The following PXDN variants were observed in gnomAD, a reference collection of about 807,000 sequenced individuals.
PXDN encodes the protein peroxidasin, also known as peroxidasin homolog.
In PXDN, 77 loss-of-function variants were observed where a neutral mutation model predicts 140.3. The observed-to-expected ratio is 0.55, with a 90% CI of 0.46 to 0.66. The LOEUF (loss-of-function observed/expected upper bound fraction) is 0.66, where lower values mean the gene tolerates loss of function less well. PXDN is among the 30% of genes least tolerant of loss of function. The probability of loss-of-function intolerance (pLI) is 0.00; values close to 1 mark genes in which losing one functional copy is unlikely to be tolerated. For synonymous variants in PXDN, 911 were observed against 857.4 expected, an observed-to-expected ratio of 1.06 and a Z score of -1.09; for missense variants, 1,838 against 2,039.5, an observed-to-expected ratio of 0.90 and a Z score of 1.90.
Position 1,662,076 on chromosome 2 carries a change from T to C in PXDN, c.1676A>G (p.Asn559Ser). ...QGEPEPAITW[N>S]KDGVQVTESG... is the part of the protein sequence containing the mutation. ...CTCGGGCACCAGACCGCCTACCTTGTTCCAGGTGATGGCTGGCTCGGGCTC... is the reference window on the plus strand; with the variant it reads ...CTCGGGCACCAGACCGCCTACCTTGCTCCAGGTGATGGCTGGCTCGGGCTC... The change falls in exon 13 of 23, where the codon AAC becomes AGC. Residue 559 changes from asparagine (N) to serine (S), a missense_variant. This residue lies in a region of PXDN where 537 missense variants were observed against 583.9 expected (regional missense o/e 0.92). Coordinates refer to ENST00000252804, the MANE Select transcript of PXDN (RefSeq NM_012293.3). The C allele has an allele frequency of 6.3e-7, 1 of 1,589,958 alleles. No homozygotes were observed. The highest frequency in any genetic ancestry group is 8.6e-7 in the Non-Finnish European group (1 of 1,168,280).
At chr2:1,679,846 T>TAGATG (rs1683838354) in intron 7 of PXDN, among the ~76,000 whole-genome samples, 1 of 148,180 alleles carries the variant, frequency 6.7e-6, no homozygotes, top group African/African-American at 2.5e-5. Flanking sequence ...GGTGTGTGTG[T>TAGATG]GTATGTGCGT....
At position 1,649,083 on chromosome 2, in the gene PXDN, C is replaced by T. The variant is rs750537766; in HGVS notation, c.2697G>A (p.Pro899=). 42 of 1,612,546 alleles carry T rather than the reference C, an allele frequency of 2.6e-5. No homozygotes were observed. The South Asian group carries it at 3.2e-4, about 12-fold the overall frequency. The change falls in exon 17 of 23, where the codon CCG becomes CCA. Residue 899 remains proline, a synonymous_variant. Transcript: ENST00000252804. This position sits in a 1 kb window ranked among gnomAD's most constrained non-coding sequence, Gnocchi z 7.1. ...AGGTGAGCTGGTTGATCTGCTCCCGCGGGTACACGGAGTTCATGAGCAGCG... is the reference window on the plus strand; with the variant it reads ...AGGTGAGCTGGTTGATCTGCTCCCGTGGGTACACGGAGTTCATGAGCAGCG... ...MTSLLMNSVY[P]REQINQLTSY...
At chr2:1,658,772 C>T (rs1265340820) in intron 14 of PXDN, among the ~76,000 whole-genome samples, 1 of 124,832 alleles carries the variant, frequency 8.0e-6, no homozygotes, top group African/African-American at 3.0e-5. Context: ...GCATCGGGCT[C>T]ATTCTGACCC....
At chr2:1,671,457 T>C (rs952588280) in intron 9 of PXDN, among the ~76,000 whole-genome samples, 3 of 151,990 alleles carry the variant, frequency 2.0e-5, no homozygotes, top group African/African-American at 7.2e-5. Flanking sequence ...ACATCTCAAA[T>C]ATATGCACAT....
At chr2:1,724,883 A>G (rs978789945) in intron 1 of PXDN, among the ~76,000 whole-genome samples, 3 of 152,174 alleles carry the variant, frequency 2.0e-5, no homozygotes, top group African/African-American at 7.2e-5. Context: ...GATTGCTTTA[A>G]TTCTGTTTCT....
At chr2:1,716,319 T>A (rs2125474783) in intron 1 of PXDN, among the ~76,000 whole-genome samples, 1 of 151,794 alleles carries the variant, frequency 6.6e-6, no homozygotes, top group South Asian at 2.1e-4. Flanking sequence ...ATACCTGTAA[T>A]CCCAGCTACT....
chr2:1,667,556 A>G (rs1683474993), intron 9 of PXDN, among the ~76,000 whole-genome samples: 1 of 152,132 alleles, frequency 6.6e-6, no homozygotes. Context: ...GAAAACTCCA[A>G]CATCTCAGCC....
At position 1,639,730 on chromosome 2, in the gene PXDN, A is replaced by G. The variant is rs1289622192; in HGVS notation, c.3953-308T>C. On this transcript the variant is annotated intron_variant, in intron 19 of 22. Transcript: ENST00000252804. This position sits in a 1 kb window ranked among gnomAD's most constrained non-coding sequence, Gnocchi z 5.0. ...CCCTCGCGGAGTTCCCTCCACCCAC[A>G]GATGGAGGCTCAGGCACTCTGCCTC... 6.6e-6 allele frequency among the ~76,000 whole-genome samples: 1 copy of G among 152,140 alleles called. No homozygotes were observed. Among genetic ancestry groups the G allele is most frequent in the East Asian group, 1.9e-4 (1 of 5,178 alleles).
At chr2:1,724,874 A>C (rs1469356571) in intron 1 of PXDN, among the ~76,000 whole-genome samples, 5 of 152,136 alleles carry the variant, frequency 3.3e-5, no homozygotes, top group Non-Finnish European at 4.4e-5. Context: ...ATTTTATAGG[A>C]TTGCTTTAAT....
At chr2:1,658,061 T>G (rs866865697) in intron 14 of PXDN, among the ~76,000 whole-genome samples, 1 of 89,836 alleles carries the variant, frequency 1.1e-5, no homozygotes, top group Non-Finnish European at 2.4e-5. Context: ...TCTCTCTCTC[T>G]CTCTCTCTCT....
At chr2:1,661,115 G>A (rs540851109) in intron 13 of PXDN, 78 bp from the exon 14 acceptor site, 365 of 1,539,338 alleles carry the variant, frequency 2.4e-4, no homozygotes, top group Non-Finnish European at 3.0e-4. Flanking sequence ...GTTGGGGGAG[G>A]GGAGCCATTT....
At chr2:1,703,174 T>G (rs1572172678) in intron 1 of PXDN, among the ~76,000 whole-genome samples, 1 of 30,762 alleles carries the variant, frequency 3.3e-5, no homozygotes, top group Non-Finnish European at 5.5e-5. Flanking sequence ...CAACTCCAGG[T>G]GAAGCGGGGG....
Position 1,680,292 on chromosome 2 carries a change from C to G in PXDN, c.631G>C (p.Ala211Pro). The change falls in exon 7 of 23, where the codon GCG becomes CCG. Residue 211 changes from alanine to proline, a missense_variant. Physicochemically the swap from Ala to Pro is conservative, Grantham distance 27. Transcript: ENST00000252804. ...LWLADLLKTYAESGNAQAAAI... is the reference protein window; with the variant it reads ...LWLADLLKTYPESGNAQAAAI... ...GCTGCCTGCGCGTTCCCCGACTCCG[C>G]GTAGGTTTTCAGCAAATCCGCCAAC... The G allele has an allele frequency of 6.2e-7, 1 of 1,613,992 alleles. No individual in the cohort carries two copies. Among genetic ancestry groups the G allele is most frequent in the Non-Finnish European group, 8.5e-7 (1 of 1,179,898 alleles).
rs1240591463 is a variant in PXDN, at chr2:1,733,794, A to C, written c.200+10462T>G. ...CAGTGTCAGAGAAAATCACCAACTC[A>C]GAATATTACTCAGGAAAATATCATT... On this transcript the variant is annotated intron_variant, in intron 1 of 22. Coordinates refer to ENST00000252804, the MANE Select transcript of PXDN (RefSeq NM_012293.3). 2.0e-5 allele frequency among the ~76,000 whole-genome samples: 3 copies of C among 151,220 alleles called. No individual in the cohort carries two copies. In the East Asian group the frequency reaches 5.8e-4, roughly 29 times the overall value.
intron 1 of PXDN, among the ~76,000 whole-genome samples, chr2:1,743,759 C>T (rs1028995214): frequency 1.2e-5 from 1 of 82,136 alleles, no homozygotes; most frequent in Admixed American, 1.6e-4. Flanking sequence ...GCGAACAGGA[C>T]GAGGAACGGG....
chr2:1,673,493 T>C, intron 9 of PXDN, 150 bp downstream of exon 9: 2 of 1,061,714 alleles, frequency 1.9e-6, no homozygotes, highest in South Asian at 3.2e-5. Flanking sequence ...ACCCTGCGCT[T>C]AGAAAGCTTT....
rs141803998 is a variant in PXDN, at chr2:1,677,848, G to T, written c.731-804C>A. On this transcript the variant is annotated intron_variant, in intron 7 of 22. Transcript: ENST00000252804. ...TCCATGTACATTCTGTGAGCATCAC[G>T]AGAAGAAAAACACAACCACACACAG... Among the ~76,000 whole-genome samples, 4 of 152,356 alleles carry T rather than the reference G, an allele frequency of 2.6e-5. No homozygotes were observed. The East Asian group carries it at 7.7e-4, about 29-fold the overall frequency.
intron 1 of PXDN, among the ~76,000 whole-genome samples, chr2:1,728,303 A>C (rs947760987): frequency 2.0e-5 from 3 of 152,236 alleles, no homozygotes; most frequent in African/African-American, 7.2e-5. Context: ...GTTTCGCTTG[A>C]GGCGGTCACA....
intron 14 of PXDN, among the ~76,000 whole-genome samples, chr2:1,659,656 A>C (rs1287591394): frequency 1.3e-5 from 2 of 152,214 alleles, no homozygotes; most frequent in African/African-American, 4.8e-5. Flanking sequence ...TCAAGCAAAA[A>C]ACAAATATTA....
Sources: allele counts gnomAD v4.1 joint callset (sites outside exome capture counted in the v4.1 genomes callset), GRCh38; gene constraint gnomAD v4.1.1; regional missense constraint gnomAD v4.1.1; non-coding constraint Gnocchi (gnomAD v3.1); transcripts MANE v1.5; gene names NCBI Gene and HGNC (gene_info 2026-07-23, HGNC 2026-07-21).